Variants in NBEA observed in about 807,000 individuals in gnomAD.
NBEA encodes the protein lysosomal-trafficking regulator 2.
A neutral mutation model predicts 343.4 loss-of-function variants in NBEA; 44 were observed. That is an observed-to-expected ratio of 0.13 (90% confidence interval 0.10 to 0.16). The LOEUF is 0.16. Ranked by LOEUF, NBEA falls within the 10% of genes least tolerant of loss-of-function variation. The pLI, the probability that NBEA is intolerant of heterozygous loss-of-function variation, is 1.00. For synonymous variants in NBEA, 1,175 were observed against 1,238.7 expected, an observed-to-expected ratio of 0.95 and a Z score of 1.08; for missense variants, 2,555 against 3,631.3, an observed-to-expected ratio of 0.70 and a Z score of 7.62.
intron 36 of NBEA, among the ~76,000 whole-genome samples, chr13:35,328,777 T>G (rs1377698030): frequency 1.3e-5 from 2 of 151,768 alleles, no homozygotes; most frequent in Non-Finnish European, 2.9e-5. Context: ...CAGCAGGGTT[T>G]TTTTTTTTTT....
intron 1 of NBEA, among the ~76,000 whole-genome samples, chr13:35,027,564 G>C (rs1026464210): frequency 1.3e-5 from 2 of 151,746 alleles, no homozygotes; most frequent in Non-Finnish European, 2.9e-5. Context: ...GTTGATTTCT[G>C]TTACATTCTA....
chr13:35,153,596 C>A (rs1644962230), intron 18 of NBEA, among the ~76,000 whole-genome samples: 1 of 152,162 alleles, frequency 6.6e-6, no homozygotes, highest in African/African-American at 2.4e-5. Context: ...AAAGCACTTT[C>A]ACATATGGAG....
intron 34 of NBEA, among the ~76,000 whole-genome samples, chr13:35,236,406 T>TTTTTG (rs147528572): frequency 0.094 from 13,758 of 146,988 alleles, 732 homozygotes; most frequent in East Asian, 0.23. Context: ...CATTTAATCC[T>TTTTTG]TTTTGTTTTG....
intron 38 of NBEA, among the ~76,000 whole-genome samples, chr13:35,427,546 G>T (rs1267123077): frequency 3.9e-5 from 6 of 152,090 alleles, no homozygotes; most frequent in African/African-American, 9.7e-5. Context: ...CGCCCCTACT[G>T]GGGGGTGCCT....
At chr13:35,346,718 CT>C (rs1238384320) in intron 36 of NBEA, among the ~76,000 whole-genome samples, 2 of 152,122 alleles carry the variant, frequency 1.3e-5, no homozygotes. Context: ...TATCCTGCTG[CT>C]ATGCAAGATT....
intron 1 of NBEA, among the ~76,000 whole-genome samples, chr13:34,997,509 G>A (rs2060980156): frequency 6.6e-6 from 1 of 152,090 alleles, no homozygotes; most frequent in African/African-American, 2.4e-5. Flanking sequence ...ACATGTAAAT[G>A]TAGTTGTTTA....
At chr13:35,530,253 A>G (rs2078192296) in intron 41 of NBEA, among the ~76,000 whole-genome samples, 1 of 152,202 alleles carries the variant, frequency 6.6e-6, no homozygotes, top group South Asian at 2.1e-4. Flanking sequence ...CATCCTGTCA[A>G]GCTGCAAGCG....
chr13:35,377,225 A>G (rs947103832), intron 38 of NBEA, among the ~76,000 whole-genome samples: 7 of 152,204 alleles, frequency 4.6e-5, no homozygotes, highest in Admixed American at 6.5e-5. Context: ...CAAAAACAGT[A>G]TTAATCTAAT....
At chr13:35,538,886 T>G (rs2078680520) in intron 41 of NBEA, among the ~76,000 whole-genome samples, 1 of 152,218 alleles carries the variant, frequency 6.6e-6, no homozygotes, top group African/African-American at 2.4e-5. Flanking sequence ...GGTGGTGGCA[T>G]AATTGGTAAT....
At chr13:34,978,666 A>T (rs1408060160) in intron 1 of NBEA, among the ~76,000 whole-genome samples, 3 of 152,016 alleles carry the variant, frequency 2.0e-5, no homozygotes, top group Non-Finnish European at 2.9e-5. Context: ...TTCCCACCAT[A>T]GATTAGTATT....
At chr13:34,949,772 G>A (rs375504785) in intron 1 of NBEA, among the ~76,000 whole-genome samples, 1 of 151,948 alleles carries the variant, frequency 6.6e-6, no homozygotes, top group Non-Finnish European at 1.5e-5. Context: ...TAATTGGTCA[G>A]GTTTGAGGTA....
At chr13:35,092,155 C>A (rs986502870) in intron 10 of NBEA, among the ~76,000 whole-genome samples, 8 of 151,854 alleles carry the variant, frequency 5.3e-5, no homozygotes, top group African/African-American at 1.9e-4. Context: ...CAAAAGTAGT[C>A]TAATGGAGGA....
At chr13:35,121,393 C>T (rs1189196054) in intron 16 of NBEA, among the ~76,000 whole-genome samples, 1 of 152,080 alleles carries the variant, frequency 6.6e-6, no homozygotes, top group Non-Finnish European at 1.5e-5. Context: ...AGGCATGAGC[C>T]ACCATGCCTG....
At chr13:35,632,433 G>T (rs2083492019) in intron 49 of NBEA, among the ~76,000 whole-genome samples, 1 of 151,804 alleles carries the variant, frequency 6.6e-6, no homozygotes, top group Non-Finnish European at 1.5e-5. Flanking sequence ...CAACTTGTTT[G>T]AGACATTAAC....
At chr13:35,363,464 T>C (rs1251701210) in intron 38 of NBEA, among the ~76,000 whole-genome samples, 2 of 151,872 alleles carry the variant, frequency 1.3e-5, no homozygotes, top group Admixed American at 1.3e-4. Context: ...AGCCTTGGAA[T>C]TAACTACTTG....
At chr13:35,126,305 T>C (rs1229228087) in intron 17 of NBEA, among the ~76,000 whole-genome samples, 1 of 152,150 alleles carries the variant, frequency 6.6e-6, no homozygotes, top group Non-Finnish European at 1.5e-5. Flanking sequence ...AATGCAGAAC[T>C]GTGAGTCAAT....
At chr13:35,190,198 G>C (rs2072074861) in intron 30 of NBEA, among the ~76,000 whole-genome samples, 1 of 152,112 alleles carries the variant, frequency 6.6e-6, no homozygotes, top group Non-Finnish European at 1.5e-5. Flanking sequence ...CTGTCTCCAA[G>C]GTATTTGTTG....
At chr13:34,993,753 T>C (rs939558106) in intron 1 of NBEA, among the ~76,000 whole-genome samples, 3 of 152,222 alleles carry the variant, frequency 2.0e-5, no homozygotes, top group Admixed American at 6.5e-5. Flanking sequence ...ATGTCCAATA[T>C]GCACTTAGTC....
At chr13:35,121,882 C>T (rs2152674652) in intron 16 of NBEA, among the ~76,000 whole-genome samples, 1 of 152,146 alleles carries the variant, frequency 6.6e-6, no homozygotes, top group African/African-American at 2.4e-5. Context: ...TATGCCATGG[C>T]ATTTTATTTT....
Sources: gnomAD v4.1 joint callset for allele counts (sites outside exome capture counted in the v4.1 genomes callset) on GRCh38, gnomAD v4.1.1 for gene constraint, MANE v1.5 for transcripts, NCBI Gene and HGNC (gene_info 2026-07-23, HGNC 2026-07-21) for gene names.